Variants in LIMCH1 observed in about 807,000 individuals in gnomAD.
The protein encoded by LIMCH1 is LIM and calponin homology domains 1.
In LIMCH1, 113 loss-of-function variants were observed where a neutral mutation model predicts 176.5. The observed-to-expected ratio is 0.64, with a 90% CI of 0.55 to 0.75. LIMCH1 has a LOEUF of 0.75. Among genes scored for constraint, LIMCH1 ranks in the 30% least tolerant of loss-of-function variants. The probability of loss-of-function intolerance (pLI) is 0.00; values close to 1 mark genes in which losing one functional copy is unlikely to be tolerated. For synonymous variants in LIMCH1, 619 were observed against 645.9 expected (o/e 0.96, Z 0.63); for missense variants, 1,674 against 1,814.9 (o/e 0.92, Z 1.41).
At chr4:41,564,848 G>T (rs2082509445) in intron 1 of LIMCH1, among the ~76,000 whole-genome samples, 1 of 152,068 alleles carries the variant, frequency 6.6e-6, no homozygotes. Flanking sequence ...TGAGTGAGTT[G>T]TCACGAGATC....
rs539582094 is a variant in LIMCH1, at chr4:41,698,356, G to A, written c.*1171G>A. The A allele has an allele frequency of 3.9e-4, 60 of 152,248 alleles. No homozygotes were observed. The highest frequency in any genetic ancestry group is 1.4e-3 in the African/African-American group (58 of 41,532). 9.4% of individuals were successfully genotyped at this position (152,248 alleles called of 1,614,324 possible). On this transcript the variant is annotated 3_prime_UTR_variant, in exon 32 of 32. Coordinates refer to ENST00000503057, the MANE Select transcript of LIMCH1 (RefSeq NM_001330672.2). ...CACTTTTTTTGCTATCAAGAACTCCGGACCTTGCCCATGGAGAAGTTTAGA... is the reference window on the plus strand; with the variant it reads ...CACTTTTTTTGCTATCAAGAACTCCAGACCTTGCCCATGGAGAAGTTTAGA...
chr4:41,454,116 C>A (rs2064232170), intron 1 of LIMCH1, among the ~76,000 whole-genome samples: 1 of 152,118 alleles, frequency 6.6e-6, no homozygotes, highest in Admixed American at 6.5e-5. Flanking sequence ...ATGCCCCCCA[C>A]CCTCACCACA....
chr4:41,683,636 T>C (rs1232533118), intron 26 of LIMCH1, among the ~76,000 whole-genome samples: 1 of 152,224 alleles, frequency 6.6e-6, no homozygotes, highest in African/African-American at 2.4e-5. Flanking sequence ...GAGCAGAGCT[T>C]TCCTGGTGGG....
intron 23 of LIMCH1, among the ~76,000 whole-genome samples, chr4:41,676,884 T>G (rs2095235282): frequency 6.6e-6 from 1 of 152,070 alleles, no homozygotes; most frequent in Non-Finnish European, 1.5e-5. Context: ...CTTTGAGGGC[T>G]GGGCGTGGTG....
intron 1 of LIMCH1, among the ~76,000 whole-genome samples, chr4:41,566,995 A>G (rs1372646024): frequency 6.6e-6 from 1 of 152,234 alleles, no homozygotes; most frequent in Non-Finnish European, 1.5e-5. Flanking sequence ...AGTGCCCATC[A>G]GAATACTTGC....
At chr4:41,480,305 T>A (rs1048800013) in intron 1 of LIMCH1, among the ~76,000 whole-genome samples, 3 of 152,184 alleles carry the variant, frequency 2.0e-5, no homozygotes, top group African/African-American at 7.2e-5. Context: ...ATGGACTGAT[T>A]TGCCAAAATT....
At chr4:41,591,799 C>T (rs1247559953) in intron 1 of LIMCH1, among the ~76,000 whole-genome samples, 1 of 152,126 alleles carries the variant, frequency 6.6e-6, no homozygotes, top group Non-Finnish European at 1.5e-5. Flanking sequence ...TCATGTTGAT[C>T]TCTCCCTATT....
At position 41,676,819 on chromosome 4, in the gene LIMCH1, C is replaced by T. The variant is rs764145465; in HGVS notation, c.3519+357C>T. On this transcript the variant is annotated intron_variant, in intron 23 of 31. Transcript: ENST00000503057. ...TCTAAAAGCTCTCTGCTAGCATACA[C>T]GTGAAATAAAATTTAGCCTCAGTCT... is the stretch of plus-strand genomic sequence containing the variant. Among the ~76,000 whole-genome samples, 29 of 152,244 alleles carry T rather than the reference C, an allele frequency of 1.9e-4. No individual in the cohort carries two copies. In the East Asian group the frequency reaches 2.3e-3, roughly 12 times the overall value.
At chr4:41,597,901 CTG>C (rs2089213961) in intron 1 of LIMCH1, among the ~76,000 whole-genome samples, 1 of 152,162 alleles carries the variant, frequency 6.6e-6, no homozygotes, top group Non-Finnish European at 1.5e-5. Flanking sequence ...AACTGGGTAA[CTG>C]GAAATATTCT....
chr4:41,438,333 G>T (rs1190923773), intron 1 of LIMCH1, among the ~76,000 whole-genome samples: 1 of 151,914 alleles, frequency 6.6e-6, no homozygotes, highest in Non-Finnish European at 1.5e-5. Flanking sequence ...ACCTGGTCCT[G>T]TCTGATTACA....
intron 1 of LIMCH1, among the ~76,000 whole-genome samples, chr4:41,566,114 G>A (rs2082731631): frequency 1.3e-5 from 2 of 152,166 alleles, no homozygotes; most frequent in South Asian, 4.1e-4. Flanking sequence ...CATCCCTAGT[G>A]GTGAAGACAC....
intron 1 of LIMCH1, among the ~76,000 whole-genome samples, chr4:41,411,769 G>T (rs562934072): frequency 1.3e-5 from 2 of 151,734 alleles, no homozygotes; most frequent in South Asian, 4.2e-4. Flanking sequence ...GACCAGCCTG[G>T]CCAAATGGTG....
chr4:41,670,670 C>A, intron 21 of LIMCH1: 1 of 1,392,204 alleles, frequency 7.2e-7, no homozygotes, highest in Non-Finnish European at 9.8e-7. Context: ...CAGTTCTCAC[C>A]CCAGTTTTCA....
At chr4:41,588,136 C>T (rs922897980) in intron 1 of LIMCH1, among the ~76,000 whole-genome samples, 1 of 151,808 alleles carries the variant, frequency 6.6e-6, no homozygotes, top group South Asian at 2.1e-4. Flanking sequence ...CTTCCTGTGT[C>T]CATGTGTTCT....
At chr4:41,499,504 T>G (rs1199396839) in intron 2 of LIMCH1, among the ~76,000 whole-genome samples, 1 of 152,176 alleles carries the variant, frequency 6.6e-6, no homozygotes, top group African/African-American at 2.4e-5. Context: ...CCCAGTAATA[T>G]CCTTTATACT....
intron 1 of LIMCH1, among the ~76,000 whole-genome samples, chr4:41,450,859 A>G (rs988803083): frequency 6.6e-6 from 1 of 150,498 alleles, no homozygotes; most frequent in Non-Finnish European, 1.5e-5. Flanking sequence ...TTGGGTACTT[A>G]CATACTTGAA....
chr4:41,550,283 A>C (rs2080209906), intron 1 of LIMCH1, among the ~76,000 whole-genome samples: 1 of 151,462 alleles, frequency 6.6e-6, no homozygotes, highest in Non-Finnish European at 1.5e-5. Context: ...ACAGGTATTA[A>C]TTTAGCACAT....
chr4:41,630,201 A>C lies in LIMCH1; in HGVS notation c.1271+467A>C, dbSNP rs538860970. Among the ~76,000 whole-genome samples the C allele has an allele frequency of 1.4e-4, 22 of 152,246 alleles. 1 individual carries two copies. The highest frequency in any genetic ancestry group is 5.9e-5 in the Non-Finnish European group (4 of 68,008). ...GAACACCTAGGGCTCCTGGGGCTCA[A>C]GTGATCCTTCCATATCAGCCTCCCA... On this transcript the variant is annotated intron_variant, in intron 9 of 31. Coordinates refer to ENST00000503057, the MANE Select transcript of LIMCH1 (RefSeq NM_001330672.2).
chr4:41,467,634 T>G (rs760752664), intron 1 of LIMCH1, among the ~76,000 whole-genome samples: 16 of 152,278 alleles, frequency 1.1e-4, no homozygotes, highest in Non-Finnish European at 1.8e-4. Context: ...ATTATTACAA[T>G]TCAAGGTGAG....
Sources: allele counts gnomAD v4.1 joint callset (sites outside exome capture counted in the v4.1 genomes callset), GRCh38; gene constraint gnomAD v4.1.1; transcripts MANE v1.5; gene names NCBI Gene and HGNC (gene_info 2026-07-23, HGNC 2026-07-21).